Variants in MIAT observed in about 807,000 individuals in gnomAD.
MIAT encodes myocardial infarction associated transcript, also known as MI related novel mRNA.
chr22:26,661,518 G>A (rs765817571), intron 2 of MIAT, among the ~76,000 whole-genome samples: 37 of 152,116 alleles, frequency 2.4e-4, no homozygotes, highest in Non-Finnish European at 4.7e-4. Context: ...CTTTGTTACC[G>A]TTTACCAAGG....
intron 2 of MIAT, chr22:26,657,398 G>A: frequency 2.5e-6 from 1 of 398,036 alleles, no homozygotes; most frequent in Non-Finnish European, 4.4e-6. Flanking sequence ...GCAAGGAGGC[G>A]GGAGGAGGGT....
downstream of MIAT, chr22:26,672,360 C>T (rs1931080937): frequency 7.5e-6 from 3 of 399,086 alleles, no homozygotes; most frequent in South Asian, 3.8e-4. Context: ...GATCAGAGTC[C>T]ACTGGGCCAG....
At chr22:26,646,958 A>C (rs1930245041) in exon 1 of MIAT, 1 of 398,646 alleles carries the variant, frequency 2.5e-6, no homozygotes, top group African/African-American at 2.1e-5. Flanking sequence ...CAGACAAGCC[A>C]GGTAAGTCCC....
At chr22:26,653,227 AATGTACC>A (rs1930368855) in intron 2 of MIAT, among the ~76,000 whole-genome samples, 1 of 152,210 alleles carries the variant, frequency 6.6e-6, no homozygotes, top group Non-Finnish European at 1.5e-5. Flanking sequence ...ATGATGCAGA[AATGTACC>A]ATGTTAGAGA....
chr22:26,660,629 C>T (rs569946384), intron 2 of MIAT: 4 of 152,156 alleles, frequency 2.6e-5, no homozygotes, highest in Admixed American at 6.5e-5. Flanking sequence ...TGGTCTACTT[C>T]GTCAGTTCCC....
intron 2 of MIAT, among the ~76,000 whole-genome samples, chr22:26,656,912 A>G (rs1458476648): frequency 1.3e-5 from 2 of 152,192 alleles, no homozygotes; most frequent in Non-Finnish European, 2.9e-5. Flanking sequence ...CCATCTCTAA[A>G]ACAATAAGAA....
At chr22:26,668,611 C>T in exon 6 of MIAT, 1 of 398,926 alleles carries the variant, frequency 2.5e-6, no homozygotes, top group East Asian at 3.6e-5. Flanking sequence ...AAGGACCCTA[C>T]AGGATGGGGA....
At chr22:26,660,850 C>T (rs1602360661) in intron 2 of MIAT, 1 of 152,296 alleles carries the variant, frequency 6.6e-6, no homozygotes, top group Admixed American at 6.5e-5. Flanking sequence ...CATGTGTGTC[C>T]ACTTCAGTCA....
intron 5 of MIAT, chr22:26,667,624 TA>T: frequency 5.9e-6 from 1 of 169,126 alleles, no homozygotes; most frequent in African/African-American, 4.4e-5. Context: ...TCCCCTGAGC[TA>T]ACCCTGCCTG....
chr22:26,661,945 T>TAGATCC lies in MIAT; in HGVS notation n.647-1370_647-1369insGATCCA, dbSNP rs1930687897. ...ATATATATATATATATATATATATA[T>TAGATCC]ATATATATATATATATACACACACA... On this transcript the variant is annotated intron_variant and non_coding_transcript_variant, in intron 2 of 5. Coordinates refer to ENST00000643270, the Ensembl canonical transcript of MIAT. Among the ~76,000 whole-genome samples the TAGATCC allele has an allele frequency of 1.8e-4, 6 of 33,674 alleles. No individual in the cohort carries two copies. In the East Asian group the frequency reaches 3.1e-3, roughly 17 times the overall value. The allele number at this position is 33,674 out of a possible 152,430, so 22.1% of individuals were successfully genotyped here.
chr22:26,667,939 G>C, intron 5 of MIAT: 1 of 358,562 alleles, frequency 2.8e-6, no homozygotes, highest in East Asian at 4.1e-5. Flanking sequence ...CCAAAGTGCT[G>C]GGATTACAGG....
At chr22:26,671,841 A>G (rs1236956587), downstream of MIAT, 1 of 398,360 alleles carries the variant, frequency 2.5e-6, no homozygotes, top group East Asian at 3.6e-5. Flanking sequence ...AAAAAAAAAA[A>G]AAGTATGAGG....
chr22:26,671,631 T>TGCC (rs2146019671), downstream of MIAT: 1 of 398,716 alleles, frequency 2.5e-6, no homozygotes, highest in African/African-American at 2.1e-5. Context: ...GGCTGGGATC[T>TGCC]TTGTGCAGAC....
At chr22:26,665,283 G>GAAAGAAAGAAA (rs1555949241) in intron 3 of MIAT, among the ~76,000 whole-genome samples, 2 of 112,260 alleles carry the variant, frequency 1.8e-5, no homozygotes, top group East Asian at 2.5e-4. Context: ...AAGAAAGAAA[G>GAAAGAAAGAAA]AAAGAAAAAC....
At chr22:26,666,640 C>T in exon 4 of MIAT, 1 of 398,676 alleles carries the variant, frequency 2.5e-6, no homozygotes, top group Admixed American at 4.4e-5. Flanking sequence ...TGTTGGGAAA[C>T]AGGGAGTGAG....
At chr22:26,666,158 G>C (rs12166567) in exon 4 of MIAT, 63,281 of 398,502 alleles carry the variant, frequency 0.16, 6,239 homozygotes, top group East Asian at 0.4. Context: ...TGCTGAGAGA[G>C]CTCCCTGACT....
At chr22:26,670,520 G>A, downstream of MIAT, 1 of 378,604 alleles carries the variant, frequency 2.6e-6, no homozygotes, top group East Asian at 3.7e-5. Flanking sequence ...GGGCCTTGAA[G>A]GATGAGAAAG....
At chr22:26,648,414 G>A (rs900878968) in intron 2 of MIAT, among the ~76,000 whole-genome samples, 1 of 152,182 alleles carries the variant, frequency 6.6e-6, no homozygotes, top group Admixed American at 6.5e-5. Context: ...GAGGTGCATG[G>A]AGCAGGGAGC....
At chr22:26,667,378 C>CTG (rs370134857) in intron 5 of MIAT, 39 of 375,664 alleles carry the variant, frequency 1.0e-4, no homozygotes, top group Middle Eastern at 6.6e-4. Context: ...GTGTGCATGC[C>CTG]TGTGTGTGTG....
Sources: gnomAD v4.1 joint callset for allele counts (sites outside exome capture counted in the v4.1 genomes callset) on GRCh38, gnomAD v4.1.1 for gene constraint, MANE v1.5 for transcripts, NCBI Gene and HGNC (gene_info 2026-07-23, HGNC 2026-07-21) for gene names.